CDC45: variants seen among roughly 807,000 people sequenced by gnomAD.
The protein encoded by CDC45 is cell division control protein 45 homolog.
Under a neutral mutation model 77.8 loss-of-function variants are expected in CDC45, and 54 were observed. The observed-to-expected ratio is 0.69, with a 90% CI of 0.56 to 0.87. CDC45 has a LOEUF of 0.87. CDC45 is among the 40% of genes least tolerant of loss of function. CDC45 has a pLI of 0.00. For synonymous variants in CDC45, 260 were observed against 272.1 expected (o/e 0.96, Z 0.44); for missense variants, 649 against 721.6 (o/e 0.90, Z 1.15).
intron 7 of CDC45, among the ~76,000 whole-genome samples, chr22:19,496,795 C>T (rs1003795774): frequency 6.6e-6 from 1 of 152,214 alleles, no homozygotes; most frequent in South Asian, 2.1e-4. Context: ...CACCAGTCTT[C>T]CTCAAGGTCT....
At chr22:19,490,206 A>G (rs1399888430) in intron 5 of CDC45, among the ~76,000 whole-genome samples, 1 of 152,184 alleles carries the variant, frequency 6.6e-6, no homozygotes, top group African/African-American at 2.4e-5. Context: ...CAGTTGGCTC[A>G]TATTTTTAAA....
At position 19,479,990 on chromosome 22, in the gene CDC45, A is replaced by G. The variant is rs1037976328; in HGVS notation, c.22A>G (p.Lys8Glu). The change falls in exon 1 of 19, where the codon AAA becomes GAA. Residue 8 changes from lysine to glutamate, a missense_variant. Lys to Glu is a moderately conservative substitution (Grantham distance 56, BLOSUM62 1). Transcript: ENST00000263201. Reference protein sequence around the residue: MFVSDFRKEFYEVVQSQR... With the variant: MFVSDFREEFYEVVQSQR... ...GGCTATGTTCGTGTCCGATTTCCGC[A>G]AAGAGTTCTACGAGGTGGTCCAGAG... The G allele has an allele frequency of 1.9e-6, 3 of 1,613,852 alleles. No individual in the cohort carries two copies. Among genetic ancestry groups the G allele is most frequent in the East Asian group, 2.2e-5 (1 of 44,872 alleles).
rs1190198181 is a variant in CDC45, at chr22:19,494,344, C to A, written c.504C>A (p.Thr168=). 6.2e-7 allele frequency: 1 copy of A among 1,613,002 alleles called. No homozygotes were observed. The highest frequency in any genetic ancestry group is 1.1e-5 in the South Asian group (1 of 91,028). ...TRLEEEIVEQ[T]MRRRQRREWE... ...TGTATCAGGAGATAGTGGAGCAAAC[C>A]ATGCGGAGGAGGCAGCGGCGAGAGT... The change falls in exon 6 of 19, where the codon ACC becomes ACA. Residue 168 remains threonine (T), a synonymous_variant. Coordinates refer to ENST00000263201, the MANE Select transcript of CDC45 (RefSeq NM_003504.5).
intron 10 of CDC45, among the ~76,000 whole-genome samples, chr22:19,505,848 G>A (rs1400087857): frequency 1.3e-5 from 2 of 152,156 alleles, no homozygotes; most frequent in African/African-American, 4.8e-5. Flanking sequence ...GACATTGGTG[G>A]AGTGCTCAGA....
At chr22:19,494,505 A>G in intron 6 of CDC45, 123 bp downstream of exon 6, 6 of 1,553,204 alleles carry the variant, frequency 3.9e-6, no homozygotes, top group Non-Finnish European at 5.2e-6. Context: ...CCTTTGGGCC[A>G]GTGGCTCTGG....
intron 10 of CDC45, among the ~76,000 whole-genome samples, chr22:19,506,686 G>A (rs964787698): frequency 2.0e-5 from 3 of 152,218 alleles, no homozygotes; most frequent in Non-Finnish European, 2.9e-5. Flanking sequence ...TGTAATCCCA[G>A]CACTCTGGGA....
intron 15 of CDC45, chr22:19,516,289 C>T (rs1383725683): frequency 7.5e-6 from 4 of 532,078 alleles, no homozygotes; most frequent in Non-Finnish European, 1.4e-5. Flanking sequence ...ATCACAGCCA[C>T]AGTACCATGC....
intron 13 of CDC45, among the ~76,000 whole-genome samples, chr22:19,509,469 G>T (rs1002385282): frequency 5.3e-5 from 8 of 152,138 alleles, no homozygotes; most frequent in Admixed American, 2.0e-4. Context: ...ATTTCTTGTG[G>T]GGTTATTTAG....
intron 5 of CDC45, among the ~76,000 whole-genome samples, chr22:19,486,052 C>A (rs2090062095): frequency 6.7e-6 from 1 of 149,952 alleles, no homozygotes; most frequent in Non-Finnish European, 1.5e-5. Context: ...GATGGAGTCT[C>A]ACTCTGTCAC....
At chr22:19,510,988 G>T (rs1933480685) in intron 13 of CDC45, among the ~76,000 whole-genome samples, 1 of 152,116 alleles carries the variant, frequency 6.6e-6, no homozygotes, top group South Asian at 2.1e-4. Flanking sequence ...TCATGTCTTT[G>T]TTTCTTTTGG....
rs371673144 is a variant in CDC45 at position 19,496,026 on chromosome 22, A to G, written c.588A>G (p.Thr196=). ...FDYEQYEYHG[T]SSAMVMFELA... ...ACGAGCAGTATGAATATCATGGGAC[A>G]TCGGTAAGTATGAATAGGTGGAACT... Residue 196 remains threonine (T), a synonymous_variant, in exon 7 of 19, where the codon ACA becomes ACG. Coordinates refer to ENST00000263201, the MANE Select transcript of CDC45 (RefSeq NM_003504.5). 8 of 1,600,886 alleles carry G rather than the reference A, an allele frequency of 5.0e-6. No homozygotes were observed. Among genetic ancestry groups the G allele is most frequent in the East Asian group, 2.2e-5 (1 of 44,818 alleles).
At chr22:19,509,235 G>A (rs1196445830) in intron 13 of CDC45, among the ~76,000 whole-genome samples, 1 of 152,162 alleles carries the variant, frequency 6.6e-6, no homozygotes, top group Middle Eastern at 3.2e-3. Flanking sequence ...TAGTGTCTGC[G>A]ATGCACAGCT....
At chr22:19,509,223 T>A (rs1933383240) in intron 13 of CDC45, among the ~76,000 whole-genome samples, 1 of 152,190 alleles carries the variant, frequency 6.6e-6, no homozygotes, top group Admixed American at 6.5e-5. Context: ...AAAAGAGGAT[T>A]ATAGTGTCTG....
intron 10 of CDC45, among the ~76,000 whole-genome samples, chr22:19,506,306 C>T (rs1020735441): frequency 1.3e-5 from 2 of 152,022 alleles, no homozygotes; most frequent in African/African-American, 2.4e-5. Flanking sequence ...GGAGGGGAGC[C>T]GCTGTGCACT....
rs1004496117 is a variant in CDC45, at chr22:19,508,602, G to T, written c.1128G>T (p.Val376=). 1.9e-6 allele frequency: 3 copies of T among 1,614,098 alleles called. No homozygotes were observed. In the African/African-American group the frequency reaches 4.0e-5, roughly 22 times the overall value. ...GFKHKFLASD[V]VFATMSLMES... ...AGCACAAGTTTCTGGCCAGCGACGT[G>T]GTCTTTGCCACCATGTCTTTGATGG... is the stretch of plus-strand genomic sequence containing the variant. The change falls in exon 13 of 19, where the codon GTG becomes GTT. Residue 376 remains valine, a synonymous_variant. Coordinates refer to ENST00000263201, the MANE Select transcript of CDC45 (RefSeq NM_003504.5).
At chr22:19,507,954 C>A in intron 12 of CDC45, 90 bp downstream of exon 12, 5 of 798,524 alleles carry the variant, frequency 6.3e-6, no homozygotes, top group East Asian at 2.6e-5. Context: ...TAAAATAATG[C>A]AAAAAAAACC....
In CDC45 at chr22:19,516,643, G is replaced by A. The variant is rs779145142; in HGVS notation, c.1557G>A (p.Lys519=). Residue 519 remains lysine, a splice_region_variant and synonymous_variant, in exon 16 of 19, where the codon AAG becomes AAA. Coordinates refer to ENST00000263201, the MANE Select transcript of CDC45 (RefSeq NM_003504.5). ...IPPETDSSDR[K]NFFGRAFEKA... ...CAGAGACCGACAGCTCGGACAGGAA[G>A]AAGTGAGCAGCTTCCACTCGTCCTG... The A allele has an allele frequency of 6.2e-7, 1 of 1,612,236 alleles. No homozygotes were observed. The highest frequency in any genetic ancestry group is 1.7e-5 in the Admixed American group (1 of 60,014).
rs575429822 is a variant in CDC45, at chr22:19,490,912, C to G, written c.487-3415C>G. 2.2e-4 allele frequency among the ~76,000 whole-genome samples: 34 copies of G among 151,454 alleles called. 1 individual carries two copies. Among genetic ancestry groups the G allele is most frequent in the African/African-American group, 8.0e-4 (33 of 41,210 alleles). ...GCACAATCTCAGCTTACTACAACCT[C>G]TACCTCTCGGGTTCAAGCAGTACTC... is the stretch of plus-strand genomic sequence containing the variant. On this transcript the variant is annotated intron_variant, in intron 5 of 18. Coordinates refer to ENST00000263201, the MANE Select transcript of CDC45 (RefSeq NM_003504.5).
chr22:19,505,444 C>G lies in CDC45; in HGVS notation c.787C>G (p.Leu263Val). Residue 263 changes from leucine (L) to valine (V), a missense_variant, in exon 10 of 19, where the codon CTC becomes GTC. Coordinates refer to ENST00000263201, the MANE Select transcript of CDC45 (RefSeq NM_003504.5). ...CCGGAACGAGGATGAGGAGAACACACTCTCCGTGGACTGCACACGGATCTC... is the reference window on the plus strand; with the variant it reads ...CCGGAACGAGGATGAGGAGAACACAGTCTCCGTGGACTGCACACGGATCTC... Reference protein sequence around the residue: ...NHRNEDEENTLSVDCTRISFE... With the variant: ...NHRNEDEENTVSVDCTRISFE... 6.2e-7 allele frequency: 1 copy of G among 1,614,076 alleles called. No homozygotes were observed. The highest frequency in any genetic ancestry group is 8.5e-7 in the Non-Finnish European group (1 of 1,179,884).
Sources: gnomAD v4.1 joint callset for allele counts (sites outside exome capture counted in the v4.1 genomes callset) on GRCh38, gnomAD v4.1.1 for gene constraint, MANE v1.5 for transcripts, NCBI Gene and HGNC (gene_info 2026-07-23, HGNC 2026-07-21) for gene names.